Variants in SNX2 observed in about 807,000 individuals in gnomAD.
The protein encoded by SNX2 is sorting nexin-2.
A neutral mutation model predicts 69.9 loss-of-function variants in SNX2; 25 were observed. The ratio of observed to expected loss-of-function variants is 0.36; its 90% CI spans 0.26 to 0.50. The LOEUF (loss-of-function observed/expected upper bound fraction) is 0.50, where lower values mean the gene tolerates loss of function less well. Among genes scored for constraint, SNX2 ranks in the 20% least tolerant of loss-of-function variants. SNX2 has a pLI of 0.97. For synonymous variants in SNX2, 229 were observed against 200.4 expected, an observed-to-expected ratio of 1.14 and a Z score of -1.20; for missense variants, 551 against 613.3, an observed-to-expected ratio of 0.90 and a Z score of 1.07.
chr5:122,789,077 T>C (rs992890085), intron 1 of SNX2, among the ~76,000 whole-genome samples: 1 of 152,186 alleles, frequency 6.6e-6, no homozygotes, highest in African/African-American at 2.4e-5. Context: ...TGTTTATTTT[T>C]TTGTTTGGTC....
rs1470911024 is a variant in SNX2, at chr5:122,830,601, GCACAA to G, written c.*959_*963del. ...ATACCATGATTTGATGAATAAGCAA[GCACAA>G]CACAAAGCAAATTTGAAGTAAACTG... On this transcript the variant is annotated 3_prime_UTR_variant, in exon 15 of 15. Coordinates refer to ENST00000379516, the MANE Select transcript of SNX2 (RefSeq NM_003100.4). Among the ~76,000 whole-genome samples the G allele has an allele frequency of 6.6e-6, 1 of 151,914 alleles. No individual in the cohort carries two copies. Among genetic ancestry groups the G allele is most frequent in the African/African-American group, 2.4e-5 (1 of 41,346 alleles).
intron 2 of SNX2, among the ~76,000 whole-genome samples, chr5:122,796,128 C>T (rs986012355): frequency 6.6e-6 from 1 of 152,150 alleles, no homozygotes; most frequent in Non-Finnish European, 1.5e-5. Context: ...TCACACTAAA[C>T]ATTTTTAACT....
At position 122,776,443 on chromosome 5, in the gene SNX2, G is replaced by A. The variant is rs1752858700; in HGVS notation, c.108+1232G>A. On this transcript the variant is annotated intron_variant, in intron 1 of 14. Coordinates refer to ENST00000379516, the MANE Select transcript of SNX2 (RefSeq NM_003100.4). ...TTGAACATGTGTATTTATTAGGTTG[G>A]TGCAAAAGTAATTGTGGTTTTTGCC... 2.6e-5 allele frequency among the ~76,000 whole-genome samples: 4 copies of A among 151,880 alleles called. No homozygotes were observed. In the South Asian group the frequency reaches 8.3e-4, roughly 32 times the overall value.
chr5:122,795,934 C>A (rs1050043230), intron 2 of SNX2, among the ~76,000 whole-genome samples: 2 of 152,090 alleles, frequency 1.3e-5, no homozygotes, highest in South Asian at 4.1e-4. Context: ...CAATTATCTG[C>A]TTTAAAATTA....
At chr5:122,798,783 G>C (rs572003086) in intron 2 of SNX2, among the ~76,000 whole-genome samples, 48 of 151,928 alleles carry the variant, frequency 3.2e-4, no homozygotes, top group Non-Finnish European at 5.7e-4. Context: ...ACCCATTTCA[G>C]TCTTCTCAGA....
chr5:122,812,813 G>A (rs950525441), intron 7 of SNX2, among the ~76,000 whole-genome samples: 4 of 152,152 alleles, frequency 2.6e-5, no homozygotes, highest in African/African-American at 9.7e-5. Context: ...ACAAGTGAAT[G>A]TTATCCAAGA....
chr5:122,775,453 C>T (rs545682159), intron 1 of SNX2: 29 of 1,202,086 alleles, frequency 2.4e-5, no homozygotes, highest in Non-Finnish European at 2.9e-5. Flanking sequence ...GGGCCAGAAC[C>T]GAACCGAGCA....
chr5:122,803,085 T>C (rs1013084786), intron 5 of SNX2, among the ~76,000 whole-genome samples: 3 of 152,210 alleles, frequency 2.0e-5, no homozygotes, highest in South Asian at 2.1e-4. Context: ...TGGCATCTTA[T>C]AGAACTTATG....
rs1468556174 is a variant in SNX2 at position 122,832,301 on chromosome 5, C to T, written c.*2653C>T. On this transcript the variant is annotated 3_prime_UTR_variant, in exon 15 of 15. Coordinates refer to ENST00000379516, the MANE Select transcript of SNX2 (RefSeq NM_003100.4). Reference sequence around the variant, plus strand: ...ATAAAAGTCTTGATTCCTGAAGTGCCTTTCTACTTTAAAATATTTTGTTTA... The same window carrying T: ...ATAAAAGTCTTGATTCCTGAAGTGCTTTTCTACTTTAAAATATTTTGTTTA... 1.3e-5 allele frequency: 2 copies of T among 152,062 alleles called. No homozygotes were observed. Among genetic ancestry groups the T allele is most frequent in the African/African-American group, 2.4e-5 (1 of 41,396 alleles). 9.4% of individuals were successfully genotyped at this position (152,062 alleles called of 1,614,324 possible).
chr5:122,803,521 T>A lies in SNX2; in HGVS notation c.551T>A (p.Phe184Tyr). Residue 184 changes from phenylalanine to tyrosine, a missense_variant, in exon 6 of 15, where the codon TTC becomes TAC. By Grantham distance (22) the Phe-to-Tyr change is conservative. Around this residue, in one of 2 missense-constraint regions of SNX2, gnomAD observed 360 missense variants for 450.4 expected, o/e 0.80. Transcript: ENST00000379516. ...AGTGAATTTTCAGTGAAAAGAAGAT[T>A]CAGCGACTTTCTTGGTTTGCACAGC... ...SKSEFSVKRR[F>Y]SDFLGLHSKL... The A allele has an allele frequency of 6.2e-7, 1 of 1,612,732 alleles. No individual in the cohort carries two copies. The highest frequency in any genetic ancestry group is 8.5e-7 in the Non-Finnish European group (1 of 1,179,556).
chr5:122,795,510 A>G, intron 2 of SNX2, 127 bp downstream of exon 2: 1 of 637,738 alleles, frequency 1.6e-6, no homozygotes, highest in Non-Finnish European at 2.7e-6. Flanking sequence ...AACAACTTAG[A>G]AGGATGGGGA....
At position 122,832,582 on chromosome 5, in the gene SNX2, T is replaced by G. The variant is rs1754318863; in HGVS notation, c.*2934T>G. The G allele has an allele frequency of 6.6e-6, 1 of 152,200 alleles. No individual in the cohort carries two copies. Among genetic ancestry groups the G allele is most frequent in the Non-Finnish European group, 1.5e-5 (1 of 68,024 alleles). The allele number at this position is 152,200 out of a possible 1,614,324, so 9.4% of individuals were successfully genotyped here. ...CTAGTAAAGTTTTCTGCATTCATTGTATTAATGTTGGTTCAAAAGTAATTG... is the reference window on the plus strand; with the variant it reads ...CTAGTAAAGTTTTCTGCATTCATTGGATTAATGTTGGTTCAAAAGTAATTG... On this transcript the variant is annotated 3_prime_UTR_variant, in exon 15 of 15. Coordinates refer to ENST00000379516, the MANE Select transcript of SNX2 (RefSeq NM_003100.4).
At chr5:122,787,111 GT>G (rs1753107388) in intron 1 of SNX2, among the ~76,000 whole-genome samples, 1 of 152,166 alleles carries the variant, frequency 6.6e-6, no homozygotes, top group Admixed American at 6.5e-5. Context: ...GGCAGTCACT[GT>G]CCACACTCCT....
At position 122,794,987 on chromosome 5, in the gene SNX2, C is replaced by T. The variant is rs114520066; in HGVS notation, c.109-279C>T. The stretch of plus-strand genomic sequence containing the variant: ...GCAGTGAACCAAGCTCACATCGCTA[C>T]ACTCCAGCCTGGGCCATAGAGTGAG... On this transcript the variant is annotated intron_variant, in intron 1 of 14. Coordinates refer to ENST00000379516, the MANE Select transcript of SNX2 (RefSeq NM_003100.4). Among the ~76,000 whole-genome samples, 718 of 152,246 alleles carry T rather than the reference C, an allele frequency of 4.7e-3. 8 individuals are homozygous for T. Among genetic ancestry groups the T allele is most frequent in the African/African-American group, 0.016 (676 of 41,552 alleles).
At chr5:122,822,775 G>T (rs971980131) in intron 11 of SNX2, among the ~76,000 whole-genome samples, 2 of 152,176 alleles carry the variant, frequency 1.3e-5, no homozygotes, top group Non-Finnish European at 2.9e-5. Flanking sequence ...CTAGAGTAGG[G>T]TCAGAGATTG....
rs200134630 is a variant in SNX2, at chr5:122,775,178, G to C, written c.75G>C (p.Glu25Asp). ...PTDFEDLEDG[E>D]DLFTSTVSTL... ...ACTTTGAGGATCTGGAGGACGGAGAGGACCTGTTCACCAGCACTGTCTCCA... is the reference window on the plus strand; with the variant it reads ...ACTTTGAGGATCTGGAGGACGGAGACGACCTGTTCACCAGCACTGTCTCCA... Residue 25 changes from glutamate (E) to aspartate (D), a missense_variant, in exon 1 of 15, where the codon GAG becomes GAC. This residue lies in a region of SNX2 where 191 missense variants were observed against 162.9 expected (regional missense o/e 1.17). Transcript: ENST00000379516. The C allele has an allele frequency of 9.4e-6, 15 of 1,593,638 alleles. No individual in the cohort carries two copies. In the East Asian group the frequency reaches 3.4e-4, roughly 36 times the overall value.
intron 3 of SNX2, among the ~76,000 whole-genome samples, chr5:122,800,584 G>T (rs967821815): frequency 6.6e-6 from 1 of 152,184 alleles, no homozygotes; most frequent in African/African-American, 2.4e-5. Context: ...GTAGTAACTG[G>T]AGGGGAAGCA....
chr5:122,834,300 C>T lies in SNX2; in HGVS notation c.*4652C>T, dbSNP rs1754361146. 1 of 152,102 alleles carries T rather than the reference C, an allele frequency of 6.6e-6. No individual in the cohort carries two copies. The highest frequency in any genetic ancestry group is 6.5e-5 in the Admixed American group (1 of 15,276). The allele number at this position is 152,102 out of a possible 1,614,324, so 9.4% of individuals were successfully genotyped here. ...TGAAGTAATTTAAAATGCTCTTCTT[C>T]CTTTCTTGTCACATACTTTTAAAAA... On this transcript the variant is annotated 3_prime_UTR_variant, in exon 15 of 15. Coordinates refer to ENST00000379516, the MANE Select transcript of SNX2 (RefSeq NM_003100.4).
chr5:122,828,257 A>C (rs1214800423), intron 14 of SNX2, among the ~76,000 whole-genome samples: 1 of 152,164 alleles, frequency 6.6e-6, no homozygotes, highest in Non-Finnish European at 1.5e-5. Flanking sequence ...AAATATGTGG[A>C]TCTAGAATGT....
Sources: allele counts gnomAD v4.1 joint callset (sites outside exome capture counted in the v4.1 genomes callset), GRCh38; gene constraint gnomAD v4.1.1; regional missense constraint gnomAD v4.1.1; transcripts MANE v1.5; gene names NCBI Gene and HGNC (gene_info 2026-07-23, HGNC 2026-07-21).